Variants in MICU1 observed in about 807,000 individuals in gnomAD.
The protein encoded by MICU1 is mitochondrial calcium uptake 1.
A neutral mutation model predicts 56.8 loss-of-function variants in MICU1; 45 were observed. The observed-to-expected ratio is 0.79, with a 90% CI of 0.62 to 1.02. MICU1 has a LOEUF of 1.02. MICU1 is among the 50% of genes least tolerant of loss of function. MICU1 has a pLI of 0.00. For synonymous variants in MICU1, 186 were observed against 195.1 expected, an observed-to-expected ratio of 0.95 and a Z score of 0.39; for missense variants, 504 against 587.1, an observed-to-expected ratio of 0.86 and a Z score of 1.46.
intron 1 of MICU1, among the ~76,000 whole-genome samples, chr10:72,597,449 A>T (rs1841411299): frequency 6.6e-6 from 1 of 152,160 alleles, no homozygotes; most frequent in Non-Finnish European, 1.5e-5. Flanking sequence ...TGCATCTAGA[A>T]CGGTACTACA....
At chr10:72,576,029 C>T (rs142503016) in intron 1 of MICU1, among the ~76,000 whole-genome samples, 1,740 of 152,118 alleles carry the variant, frequency 0.011, 7 homozygotes, top group Admixed American at 0.019. Context: ...GCCTGACCAA[C>T]ATGGCAAAAC....
chr10:72,602,414 G>A (rs1207799793), intron 1 of MICU1, among the ~76,000 whole-genome samples: 1 of 151,306 alleles, frequency 6.6e-6, no homozygotes, highest in Non-Finnish European at 1.5e-5. Flanking sequence ...TCATACCACT[G>A]TACTCCAGCC....
At chr10:72,467,375 G>A (rs1865827107) in intron 8 of MICU1, among the ~76,000 whole-genome samples, 1 of 152,086 alleles carries the variant, frequency 6.6e-6, no homozygotes, top group African/African-American at 2.4e-5. Flanking sequence ...GTATAGATGG[G>A]GTTTTGCCAT....
intron 8 of MICU1, among the ~76,000 whole-genome samples, chr10:72,429,291 G>A (rs1864447752): frequency 1.3e-5 from 2 of 151,762 alleles, no homozygotes; most frequent in African/African-American, 4.8e-5. Context: ...CTGGTGGTGT[G>A]CACCTGTAAT....
intron 11 of MICU1, among the ~76,000 whole-genome samples, chr10:72,371,637 G>A (rs1862344697): frequency 6.6e-6 from 1 of 152,124 alleles, no homozygotes; most frequent in South Asian, 2.1e-4. Context: ...CCACCTACTT[G>A]GGAGGCTGAA....
chr10:72,586,488 T>C (rs1042827544), intron 1 of MICU1, among the ~76,000 whole-genome samples: 3 of 151,924 alleles, frequency 2.0e-5, no homozygotes, highest in Non-Finnish European at 4.4e-5. Context: ...CCATCTCTAC[T>C]AAAAATACAA....
At chr10:72,518,039 T>C (rs1278643789) in intron 5 of MICU1, among the ~76,000 whole-genome samples, 5 of 151,596 alleles carry the variant, frequency 3.3e-5, no homozygotes, top group Admixed American at 6.6e-5. Flanking sequence ...TTCTTCTTTT[T>C]TTTTTTTTCC....
intron 8 of MICU1, among the ~76,000 whole-genome samples, chr10:72,446,403 T>C (rs1589227823): frequency 6.6e-6 from 1 of 151,916 alleles, no homozygotes; most frequent in Non-Finnish European, 1.5e-5. Context: ...TGATCTCGGC[T>C]CACTCCAACC....
At chr10:72,448,267 T>G (rs1356037560) in intron 8 of MICU1, among the ~76,000 whole-genome samples, 1 of 136,262 alleles carries the variant, frequency 7.3e-6, no homozygotes, top group Non-Finnish European at 1.5e-5. Flanking sequence ...CTCCGCCTCC[T>G]GGTTCAAGTG....
chr10:72,473,165 C>T (rs1331113168), intron 8 of MICU1: 4 of 151,834 alleles, frequency 2.6e-5, no homozygotes, highest in African/African-American at 9.7e-5. Context: ...ATAGTAAACA[C>T]TGAAATAAAT....
chr10:72,477,330 G>T, intron 6 of MICU1, 74 bp from the exon 7 acceptor site: 1 of 1,270,094 alleles, frequency 7.9e-7, no homozygotes, highest in Non-Finnish European at 1.1e-6. Flanking sequence ...AAAACAAAAG[G>T]CTAAACACTA....
chr10:72,591,455 TA>T (rs889590769), intron 1 of MICU1, among the ~76,000 whole-genome samples: 1 of 150,350 alleles, frequency 6.7e-6, no homozygotes, highest in Admixed American at 6.6e-5. Context: ...TTGAAAAAAA[TA>T]AAAAAAATCA....
At chr10:72,612,761 A>G (rs899482678) in intron 1 of MICU1, among the ~76,000 whole-genome samples, 1 of 151,996 alleles carries the variant, frequency 6.6e-6, no homozygotes, top group Non-Finnish European at 1.5e-5. Flanking sequence ...TGATTGCACC[A>G]TTGTACTCTA....
In MICU1 at chr10:72,496,166, C is replaced by T. The variant is rs140502849; in HGVS notation, c.652+11989G>A. The stretch of plus-strand genomic sequence containing the variant: ...ATTTTGAGTTGGAGTTTTGCTCTGT[C>T]GCCTAGGCTGGAGTGCAGTGGCACA... On this transcript the variant is annotated intron_variant, in intron 6 of 11. Transcript: ENST00000361114. 2.8e-3 allele frequency among the ~76,000 whole-genome samples: 422 copies of T among 152,194 alleles called. 3 individuals carry two copies. The highest frequency in any genetic ancestry group is 9.5e-3 in the African/African-American group (396 of 41,520).
At chr10:72,625,019 T>A (rs1158280309) in intron 1 of MICU1, among the ~76,000 whole-genome samples, 1 of 152,208 alleles carries the variant, frequency 6.6e-6, no homozygotes, top group Non-Finnish European at 1.5e-5. Flanking sequence ...CCTACAGCTA[T>A]CCACACCGAA....
intron 8 of MICU1, among the ~76,000 whole-genome samples, chr10:72,435,320 C>T (rs1209560901): frequency 1.4e-5 from 2 of 138,738 alleles, no homozygotes; most frequent in African/African-American, 5.4e-5. Context: ...TCCAGGAGTT[C>T]AAGGCTGCGG....
chr10:72,586,041 G>T (rs1294096714), intron 1 of MICU1, among the ~76,000 whole-genome samples: 5 of 96,206 alleles, frequency 5.2e-5, no homozygotes, highest in Non-Finnish European at 1.1e-4. Flanking sequence ...TTGAGACAGG[G>T]TATCGCTCTG....
At chr10:72,448,084 T>G (rs1407006776) in intron 8 of MICU1, among the ~76,000 whole-genome samples, 2 of 149,586 alleles carry the variant, frequency 1.3e-5, no homozygotes, top group African/African-American at 4.9e-5. Flanking sequence ...GGTGATGAGC[T>G]CATTCACATT....
At chr10:72,448,536 G>A (rs1865195543) in intron 8 of MICU1, among the ~76,000 whole-genome samples, 1 of 152,018 alleles carries the variant, frequency 6.6e-6, no homozygotes, top group Non-Finnish European at 1.5e-5. Context: ...TAGAAAAGGA[G>A]AGCTAGAGAT....
Sources: allele counts gnomAD v4.1 joint callset (sites outside exome capture counted in the v4.1 genomes callset), GRCh38; gene constraint gnomAD v4.1.1; transcripts MANE v1.5; gene names NCBI Gene and HGNC (gene_info 2026-07-23, HGNC 2026-07-21).